Variants in IP6K1 observed in about 807,000 individuals in gnomAD.
IP6K1 encodes ATP:1D-myo-inositol-hexakisphosphate phosphotransferase.
A neutral mutation model predicts 38.3 loss-of-function variants in IP6K1; 13 were observed. The observed-to-expected ratio is 0.34, with a 90% CI of 0.22 to 0.54. The LOEUF (loss-of-function observed/expected upper bound fraction) is 0.54. Ranked by LOEUF, IP6K1 falls within the 20% of genes least tolerant of loss-of-function variation. IP6K1 has a pLI of 0.92. For missense variants in IP6K1, 397 were observed against 599.8 expected (o/e 0.66, Z 3.53); for synonymous variants, 212 against 229.9 (o/e 0.92, Z 0.70).
intron 1 of IP6K1, among the ~76,000 whole-genome samples, chr3:49,774,431 A>AG (rs1382792462): frequency 3.3e-4 from 48 of 146,960 alleles, no homozygotes; most frequent in African/African-American, 1.2e-3. Context: ...AAAAAAAAAG[A>AG]AAAAAAAAAT....
intron 1 of IP6K1, among the ~76,000 whole-genome samples, chr3:49,750,388 G>A (rs1343589738): frequency 6.6e-6 from 1 of 152,176 alleles, no homozygotes; most frequent in Admixed American, 6.5e-5. Flanking sequence ...CAGAAGAATG[G>A]TGCAGGAGGA....
rs777053572 is a variant in IP6K1 at position 49,738,317 on chromosome 3, C to T, written c.329G>A (p.Arg110Gln). 11 of 1,614,184 alleles carry T rather than the reference C, an allele frequency of 6.8e-6. No homozygotes were observed. Among genetic ancestry groups the T allele is most frequent in the East Asian group, 2.2e-5 (1 of 44,888 alleles). Residue 110 changes from arginine (R) to glutamine (Q), a missense_variant, in exon 3 of 6, where the codon CGG becomes CAG. Around this residue, in one of 3 missense-constraint regions of IP6K1, gnomAD observed 171 missense variants for 237.0 expected, o/e 0.72. Transcript: ENST00000321599. Reference sequence around the variant, plus strand: ...GGAGTGTTTGCGCCGAGGTTGCTCCCGTTCTGTTGTGTCATCCTGTTCCAC... The same window carrying T: ...GGAGTGTTTGCGCCGAGGTTGCTCCTGTTCTGTTGTGTCATCCTGTTCCAC... ...ETVEQDDTTE[R>Q]EQPRRKHSRR...
chr3:49,773,186 A>C (rs1017870037), intron 1 of IP6K1, among the ~76,000 whole-genome samples: 1 of 152,194 alleles, frequency 6.6e-6, no homozygotes, highest in Non-Finnish European at 1.5e-5. Flanking sequence ...TAAACAGTCA[A>C]GTTAATATGC....
chr3:49,785,812 G>A (rs1448178196), intron 1 of IP6K1: 1 of 152,240 alleles, frequency 6.6e-6, no homozygotes, highest in Admixed American at 6.5e-5. Context: ...TGAGCTTCGA[G>A]GTACACGTGA....
Position 49,732,957 on chromosome 3 carries a change from C to G in IP6K1, c.450G>C (p.Lys150Asn). The change falls in exon 4 of 6, where the codon AAG (lysine) becomes AAC (asparagine). Residue 150 changes from lysine to asparagine, a missense_variant. Transcript: ENST00000321599. ...GGCTGTGCAGCTCCACCTTCGGACT[C>G]TTTGCCTCCTGTGAGCTAAGAAGGA... ...LETSESSQEA[K>N]SPKVELHSHS... The G allele has an allele frequency of 1.2e-6, 2 of 1,612,848 alleles. No individual in the cohort carries two copies. Among genetic ancestry groups the G allele is most frequent in the Non-Finnish European group, 1.7e-6 (2 of 1,179,128 alleles).
intron 1 of IP6K1, among the ~76,000 whole-genome samples, chr3:49,759,934 ACTCT>A (rs1478006743): frequency 2.0e-5 from 3 of 152,166 alleles, no homozygotes; most frequent in Non-Finnish European, 2.9e-5. Context: ...ACAGGGTCTC[ACTCT>A]GTCACCCAGG....
intron 2 of IP6K1, among the ~76,000 whole-genome samples, chr3:49,746,265 C>A (rs547996445): frequency 4.0e-5 from 6 of 151,594 alleles, no homozygotes; most frequent in African/African-American, 7.3e-5. Flanking sequence ...ATGTTCACAG[C>A]AGCATTATTC....
chr3:49,731,979 G>C (rs865902684), intron 4 of IP6K1, among the ~76,000 whole-genome samples: 4 of 151,384 alleles, frequency 2.6e-5, no homozygotes, highest in Middle Eastern at 3.4e-3. Context: ...GCCCAGGCTA[G>C]AAGCTAGAAT....
intron 2 of IP6K1, among the ~76,000 whole-genome samples, chr3:49,746,911 G>A (rs1318837949): frequency 1.3e-5 from 2 of 152,032 alleles, no homozygotes; most frequent in African/African-American, 2.4e-5. Flanking sequence ...GGAAGAATGG[G>A]GAGTTATTAT....
intron 1 of IP6K1, among the ~76,000 whole-genome samples, chr3:49,758,082 G>A (rs1172796027): frequency 1.3e-5 from 2 of 152,040 alleles, no homozygotes; most frequent in African/African-American, 4.8e-5. Flanking sequence ...GGCCGAGGCA[G>A]GTGGATCACG....
rs542685458 is a variant in IP6K1, at chr3:49,784,717, C to T, written c.-129+1637G>A. ...ATCCCAACAATTTGGGAGGCGGAGG[C>T]GGGTTGATCATGAGGTCAGGAGTTC... On this transcript the variant is annotated intron_variant, in intron 1 of 5. Transcript: ENST00000321599. Among the ~76,000 whole-genome samples, 55 of 151,150 alleles carry T rather than the reference C, an allele frequency of 3.6e-4. No homozygotes were observed. In the East Asian group the frequency reaches 0.01, roughly 28 times the overall value.
chr3:49,762,385 T>C (rs1312006711), intron 1 of IP6K1, among the ~76,000 whole-genome samples: 1 of 152,110 alleles, frequency 6.6e-6, no homozygotes, highest in Non-Finnish European at 1.5e-5. Flanking sequence ...CTACTAAAAA[T>C]ACAAAAATTA....
chr3:49,769,045 G>C (rs1345579141), intron 1 of IP6K1, among the ~76,000 whole-genome samples: 1 of 151,896 alleles, frequency 6.6e-6, no homozygotes, highest in African/African-American at 2.4e-5. Flanking sequence ...CAAATGTCTT[G>C]GGTCAAATTT....
chr3:49,782,647 T>C (rs892266850), intron 1 of IP6K1, among the ~76,000 whole-genome samples: 14 of 151,680 alleles, frequency 9.2e-5, no homozygotes, highest in Non-Finnish European at 1.6e-4. Context: ...TACAAAAAAA[T>C]TAAGACAAAG....
intron 3 of IP6K1, among the ~76,000 whole-genome samples, chr3:49,737,562 T>C (rs1445486924): frequency 6.6e-6 from 1 of 152,144 alleles, no homozygotes; most frequent in African/African-American, 2.4e-5. Context: ...GGTGCACGCC[T>C]GTAATCCCAG....
intron 3 of IP6K1, among the ~76,000 whole-genome samples, chr3:49,734,106 C>T (rs1210815785): frequency 2.0e-5 from 3 of 152,060 alleles, no homozygotes; most frequent in Non-Finnish European, 2.9e-5. Context: ...CCACTACACT[C>T]CAGCCTGGGA....
At chr3:49,768,518 C>G (rs2080930466) in intron 1 of IP6K1, among the ~76,000 whole-genome samples, 1 of 152,070 alleles carries the variant, frequency 6.6e-6, no homozygotes, top group Admixed American at 6.6e-5. Context: ...GCCTGTAATT[C>G]CAGCATTTTG....
intron 1 of IP6K1, among the ~76,000 whole-genome samples, chr3:49,781,163 G>A (rs553386415): frequency 1.3e-5 from 2 of 151,692 alleles, no homozygotes; most frequent in East Asian, 1.9e-4. Context: ...CCAGGTTCAA[G>A]TGATTCTACT....
At chr3:49,760,784 C>T (rs1185604018) in intron 1 of IP6K1, among the ~76,000 whole-genome samples, 1 of 152,140 alleles carries the variant, frequency 6.6e-6, no homozygotes, top group Non-Finnish European at 1.5e-5. Context: ...ACAGCCTGAA[C>T]ATGCAGAGCT....
Sources: gnomAD v4.1 joint callset for allele counts (sites outside exome capture counted in the v4.1 genomes callset) on GRCh38, gnomAD v4.1.1 for gene constraint, gnomAD v4.1.1 regional missense constraint, MANE v1.5 for transcripts, NCBI Gene and HGNC (gene_info 2026-07-23, HGNC 2026-07-21) for gene names.